UMAD1: variants seen among roughly 807,000 people sequenced by gnomAD.
UMAD1 encodes UBAP1-MVB12-associated (UMA)-domain containing protein 1.
Under a neutral mutation model 6.1 loss-of-function variants are expected in UMAD1, and 8 were observed. That is an observed-to-expected ratio of 1.30 (90% CI 0.76 to 2.35). The LOEUF is 2.35. UMAD1 is among the 30% of genes most tolerant of loss of function. The pLI is 0.00. For synonymous variants in UMAD1, 56 were observed against 31.4 expected, an observed-to-expected ratio of 1.78 and a Z score of -2.61; for missense variants, 130 against 78.4, an observed-to-expected ratio of 1.66 and a Z score of -2.49.
intron 3 of UMAD1, among the ~76,000 whole-genome samples, chr7:7,835,352 C>G (rs1783544725): frequency 7.1e-6 from 1 of 141,772 alleles, no homozygotes; most frequent in Admixed American, 7.1e-5. Flanking sequence ...TTTGCTGTCA[C>G]TTTTATATGA....
chr7:7,767,791 C>T (rs1782018870), intron 2 of UMAD1, among the ~76,000 whole-genome samples: 1 of 152,172 alleles, frequency 6.6e-6, no homozygotes, highest in African/African-American at 2.4e-5. Context: ...AAGCAACTTG[C>T]CCGAGGTTAC....
intron 3 of UMAD1, among the ~76,000 whole-genome samples, chr7:7,827,974 T>C (rs1037989854): frequency 2.6e-5 from 4 of 152,336 alleles, no homozygotes; most frequent in African/African-American, 9.6e-5. Context: ...CAAACAATTA[T>C]TCAAGAAGCC....
chr7:7,704,174 T>G (rs187119377), intron 2 of UMAD1, among the ~76,000 whole-genome samples: 1 of 152,270 alleles, frequency 6.6e-6, no homozygotes, highest in African/African-American at 2.4e-5. Flanking sequence ...GGCCAACTGT[T>G]TTCTGTTGAG....
intron 1 of UMAD1, among the ~76,000 whole-genome samples, chr7:7,658,288 C>G (rs140561372): frequency 6.6e-6 from 1 of 152,198 alleles, no homozygotes; most frequent in African/African-American, 2.4e-5. Context: ...TTTTCCTATT[C>G]GAATACCCCT....
At chr7:7,866,354 A>T (rs1356074807) in intron 3 of UMAD1, among the ~76,000 whole-genome samples, 1 of 152,166 alleles carries the variant, frequency 6.6e-6, no homozygotes, top group Non-Finnish European at 1.5e-5. Context: ...GTCGAGTGTG[A>T]TGTGTGCTGT....
At chr7:7,807,912 G>A (rs1293857726) in intron 3 of UMAD1, among the ~76,000 whole-genome samples, 1 of 151,966 alleles carries the variant, frequency 6.6e-6, no homozygotes, top group Admixed American at 6.6e-5. Context: ...AGTTTCCTAT[G>A]TATCATCCTA....
chr7:7,658,850 C>T (rs887653294), intron 1 of UMAD1, among the ~76,000 whole-genome samples: 22 of 151,910 alleles, frequency 1.4e-4, no homozygotes, highest in Admixed American at 8.5e-4. Context: ...CCCTTTTTTT[C>T]TATTGTTTGG....
intron 2 of UMAD1, among the ~76,000 whole-genome samples, chr7:7,767,124 A>T (rs1782000719): frequency 8.4e-6 from 1 of 119,152 alleles, no homozygotes; most frequent in African/African-American, 3.2e-5. Context: ...CAAGAAATTA[A>T]GCTCTTTTTT....
At chr7:7,648,808 G>A (rs933326837) in intron 1 of UMAD1, among the ~76,000 whole-genome samples, 3 of 151,640 alleles carry the variant, frequency 2.0e-5, no homozygotes, top group East Asian at 1.9e-4. Flanking sequence ...AGCTAAGATC[G>A]TGTCACTGTG....
At chr7:7,795,946 G>A (rs574944805) in intron 2 of UMAD1, among the ~76,000 whole-genome samples, 1 of 152,032 alleles carries the variant, frequency 6.6e-6, no homozygotes, top group Non-Finnish European at 1.5e-5. Context: ...AACCTCCTGG[G>A]GATGTGGCCC....
At chr7:7,841,995 G>A (rs1783690168) in intron 3 of UMAD1, among the ~76,000 whole-genome samples, 1 of 152,148 alleles carries the variant, frequency 6.6e-6, no homozygotes, top group Non-Finnish European at 1.5e-5. Context: ...AAATAATGAT[G>A]ACAACATTGG....
chr7:7,863,959 T>C (rs1372612821), intron 3 of UMAD1, among the ~76,000 whole-genome samples: 2 of 152,252 alleles, frequency 1.3e-5, no homozygotes, highest in Non-Finnish European at 2.9e-5. Context: ...ACGCCTGTCA[T>C]CCACTGTGAT....
At chr7:7,715,875 C>A (rs1235529890) in intron 2 of UMAD1, among the ~76,000 whole-genome samples, 1 of 152,094 alleles carries the variant, frequency 6.6e-6, no homozygotes, top group African/African-American at 2.4e-5. Flanking sequence ...TAGCATAGAG[C>A]AAAATTTACA....
At chr7:7,653,864 G>C in intron 1 of UMAD1, among the ~76,000 whole-genome samples, 1 of 152,208 alleles carries the variant, frequency 6.6e-6, no homozygotes, top group East Asian at 1.9e-4. Context: ...GTGGGTTAAA[G>C]CCAGAGATGG....
At chr7:7,671,172 G>T (rs1239724825) in intron 1 of UMAD1, among the ~76,000 whole-genome samples, 1 of 152,184 alleles carries the variant, frequency 6.6e-6, no homozygotes, top group Non-Finnish European at 1.5e-5. Context: ...CAAAAATTTT[G>T]TTGGTTTCTT....
chr7:7,641,749 G>T (rs1040648416), intron 1 of UMAD1: 4 of 152,184 alleles, frequency 2.6e-5, no homozygotes, highest in Admixed American at 2.0e-4. Context: ...GTATTATAAC[G>T]TTGTGGAAAC....
chr7:7,833,913 G>A (rs1783512137), intron 3 of UMAD1, among the ~76,000 whole-genome samples: 1 of 151,820 alleles, frequency 6.6e-6, no homozygotes, highest in Non-Finnish European at 1.5e-5. Context: ...ATTCTGTCAA[G>A]CACTGGTTTC....
chr7:7,748,417 C>CT (rs1432925271), intron 2 of UMAD1, among the ~76,000 whole-genome samples: 1 of 151,928 alleles, frequency 6.6e-6, no homozygotes, highest in East Asian at 1.9e-4. Flanking sequence ...ATATGGTAGA[C>CT]TAACAGTGAT....
At chr7:7,774,651 C>T (rs571225637) in intron 2 of UMAD1, among the ~76,000 whole-genome samples, 14 of 152,290 alleles carry the variant, frequency 9.2e-5, no homozygotes, top group Middle Eastern at 3.4e-3. Context: ...AACATAGATT[C>T]TTTGTGAGTG....
Sources: gnomAD v4.1 joint callset for allele counts (sites outside exome capture counted in the v4.1 genomes callset) on GRCh38, gnomAD v4.1.1 for gene constraint, MANE v1.5 for transcripts, NCBI Gene and HGNC (gene_info 2026-07-23, HGNC 2026-07-21) for gene names.